The following LRFN5 variants were observed in gnomAD, a reference collection of about 807,000 sequenced individuals.
LRFN5 encodes the protein leucine rich repeat and fibronectin type III domain containing 5.
In LRFN5, 24 loss-of-function variants were observed where a neutral mutation model predicts 45.6. The ratio of observed to expected loss-of-function variants is 0.53; its 90% CI spans 0.38 to 0.74. The LOEUF (loss-of-function observed/expected upper bound fraction) is 0.74. LRFN5 is among the 30% of genes least tolerant of loss of function. The pLI, the probability that LRFN5 is intolerant of heterozygous loss-of-function variation, is 0.00. For missense variants in LRFN5, 776 were observed against 861.5 expected, an observed-to-expected ratio of 0.90 and a Z score of 1.24; for synonymous variants, 340 against 313.8, an observed-to-expected ratio of 1.08 and a Z score of -0.88.
rs532432826 is a variant in LRFN5 at position 41,889,374 on chromosome 14, T to G, written c.1385+1364T>G. On this transcript the variant is annotated intron_variant, in intron 3 of 5. Transcript: ENST00000298119. ...GAAATTAGACTAAAGGTCTCTAATA[T>G]CCCTTCATCACTAAATATATGGGGA... Among the ~76,000 whole-genome samples, 476 of 152,070 alleles carry G rather than the reference T, an allele frequency of 3.1e-3. 1 individual carries two copies. The highest frequency in any genetic ancestry group is 5.8e-3 in the Non-Finnish European group (395 of 67,974).
Position 41,665,211 on chromosome 14 carries a change from C to G in LRFN5, c.-197+56649C>G, listed in dbSNP as rs536959159. ...CAAAATTGTTTTATGCAAGAAGGTGCTTATGGCCAGATATAAGACTAATGA... is the reference window on the plus strand; with the variant it reads ...CAAAATTGTTTTATGCAAGAAGGTGGTTATGGCCAGATATAAGACTAATGA... On this transcript the variant is annotated intron_variant, in intron 1 of 5. Transcript: ENST00000298119. 4.0e-5 allele frequency among the ~76,000 whole-genome samples: 6 copies of G among 151,590 alleles called. No homozygotes were observed. The East Asian group carries it at 1.2e-3, about 29-fold the overall frequency.
chr14:41,667,280 C>A (rs1880946552), intron 1 of LRFN5, among the ~76,000 whole-genome samples: 1 of 152,154 alleles, frequency 6.6e-6, no homozygotes. Flanking sequence ...ATTTTTACTG[C>A]ACACACCTAG....
At chr14:41,845,127 C>T (rs910709508) in intron 2 of LRFN5, among the ~76,000 whole-genome samples, 1 of 128,490 alleles carries the variant, frequency 7.8e-6, no homozygotes, top group Non-Finnish European at 1.6e-5. Context: ...TTTTGAGCAA[C>T]TGCTGGGGGA....
At position 41,852,525 on chromosome 14, in the gene LRFN5, C is replaced by T. The variant is rs578254916; in HGVS notation, c.-20-34081C>T. ...AAGCTAATTATGAAAGACATTCAGA[C>T]TTTCAGATACTACATATTGACATAA... On this transcript the variant is annotated intron_variant, in intron 2 of 5. Coordinates refer to ENST00000298119, the MANE Select transcript of LRFN5 (RefSeq NM_152447.5). Among the ~76,000 whole-genome samples, 47 of 152,038 alleles carry T rather than the reference C, an allele frequency of 3.1e-4. No individual in the cohort carries two copies. The South Asian group carries it at 9.1e-3, about 29-fold the overall frequency.
At chr14:41,729,806 A>AT (rs1037696425) in intron 1 of LRFN5, among the ~76,000 whole-genome samples, 3 of 151,902 alleles carry the variant, frequency 2.0e-5, no homozygotes, top group Admixed American at 6.6e-5. Context: ...TATAATATTC[A>AT]TTTTTTTAAA....
chr14:41,781,596 GAA>G (rs774763301), intron 2 of LRFN5, among the ~76,000 whole-genome samples: 21 of 85,746 alleles, frequency 2.4e-4, no homozygotes, highest in Admixed American at 7.1e-4. Flanking sequence ...AAGAAAGAAA[GAA>G]AGAAAGAAAG....
chr14:41,652,682 A>G (rs968664979), intron 1 of LRFN5, among the ~76,000 whole-genome samples: 35 of 152,206 alleles, frequency 2.3e-4, no homozygotes, highest in African/African-American at 8.2e-4. Context: ...AAATAACAAG[A>G]GTAATTTCTC....
In LRFN5 at chr14:41,887,300, A is replaced by G. The variant is rs1224947922; in HGVS notation, c.675A>G (p.Ser225=). 6.2e-7 allele frequency: 1 copy of G among 1,614,232 alleles called. No homozygotes were observed. The highest frequency in any genetic ancestry group is 1.7e-5 in the Admixed American group (1 of 60,032). ...AGCGAGCTCAGGTACTAGCAACCTC[A>G]GGAATCATAAGCCCATCTACTTTTG... The part of the protein sequence containing the change: ...LFQRAQVLAT[S]GIISPSTFAL... The change falls in exon 3 of 6, where the codon TCA becomes TCG. Residue 225 remains serine, a synonymous_variant. Transcript: ENST00000298119. This position sits in a 1 kb window ranked among gnomAD's most constrained non-coding sequence, Gnocchi z 4.8.
intron 1 of LRFN5, among the ~76,000 whole-genome samples, chr14:41,718,023 C>T (rs1160686901): frequency 6.6e-6 from 1 of 152,062 alleles, no homozygotes; most frequent in East Asian, 1.9e-4. Context: ...GACTTTTTGT[C>T]TCCAAAACCA....
At chr14:41,645,041 CTG>C (rs1879750638) in intron 1 of LRFN5, among the ~76,000 whole-genome samples, 1 of 152,150 alleles carries the variant, frequency 6.6e-6, no homozygotes, top group Admixed American at 6.5e-5. Flanking sequence ...CCAACTGGGC[CTG>C]TGTGTTCTAC....
chr14:41,650,219 CCCTGTATCT>C (rs1880029818), intron 1 of LRFN5, among the ~76,000 whole-genome samples: 3 of 112,470 alleles, frequency 2.7e-5, no homozygotes, highest in Non-Finnish European at 5.6e-5. Context: ...CATAGTGAAA[CCCTGTATCT>C]ACAAAAATAC....
intron 1 of LRFN5, among the ~76,000 whole-genome samples, chr14:41,672,329 T>C (rs995900430): frequency 6.6e-6 from 1 of 152,210 alleles, no homozygotes; most frequent in Admixed American, 6.5e-5. Context: ...AAGATATCAT[T>C]CCTCCTTCTC....
intron 2 of LRFN5, among the ~76,000 whole-genome samples, chr14:41,791,447 A>C (rs755617182): frequency 1.6e-4 from 25 of 152,052 alleles, no homozygotes; most frequent in Non-Finnish European, 3.4e-4. Flanking sequence ...AAAATAAAGT[A>C]AGATTAATAG....
At position 41,904,270 on chromosome 14, in the gene LRFN5, G is replaced by A; in HGVS notation, c.*95G>A. ...ATGTTTCAATTCACAAAGGCTAATT[G>A]TTGAACTGGTGTCGTAGAAGAAATT... is the stretch of plus-strand genomic sequence containing the variant. On this transcript the variant is annotated 3_prime_UTR_variant, in exon 6 of 6. Coordinates refer to ENST00000298119, the MANE Select transcript of LRFN5 (RefSeq NM_152447.5). 1 of 1,390,506 alleles carries A rather than the reference G, an allele frequency of 7.2e-7. No homozygotes were observed. 86.1% of individuals were successfully genotyped at this position (1,390,506 alleles called of 1,614,324 possible).
chr14:41,695,531 T>C (rs1313439855), intron 1 of LRFN5, among the ~76,000 whole-genome samples: 1 of 151,932 alleles, frequency 6.6e-6, no homozygotes. Flanking sequence ...TGAGAGCTAA[T>C]GCAGCTGGTG....
intron 4 of LRFN5, chr14:41,894,627 T>C: frequency 1.0e-6 from 1 of 983,598 alleles, no homozygotes; most frequent in Non-Finnish European, 1.2e-6. Context: ...TTCAAGTAAT[T>C]GCAGTGTGAA....
chr14:41,745,668 G>T (rs1376248091), intron 1 of LRFN5, among the ~76,000 whole-genome samples: 3 of 151,914 alleles, frequency 2.0e-5, no homozygotes, highest in Non-Finnish European at 2.9e-5. Context: ...AAATAAGTTT[G>T]TTATAAGAAA....
chr14:41,863,160 C>T (rs1388610397), intron 2 of LRFN5, among the ~76,000 whole-genome samples: 2 of 152,170 alleles, frequency 1.3e-5, no homozygotes, highest in African/African-American at 2.4e-5. Flanking sequence ...CCACCACGCC[C>T]AGCCTAAGTC....
At chr14:41,785,851 C>T (rs8012822) in intron 2 of LRFN5, among the ~76,000 whole-genome samples, 110,898 of 151,952 alleles carry the variant, frequency 0.73, 40,709 homozygotes, top group East Asian at 0.93. Context: ...GGGTTCACAC[C>T]CCTATGAGAA....
Sources: gnomAD v4.1 joint callset for allele counts (sites outside exome capture counted in the v4.1 genomes callset) on GRCh38, gnomAD v4.1.1 for gene constraint, Gnocchi (gnomAD v3.1) non-coding constraint, MANE v1.5 for transcripts, NCBI Gene and HGNC (gene_info 2026-07-23, HGNC 2026-07-21) for gene names.